Variants in AP2B1 observed in about 807,000 individuals in gnomAD.
The protein encoded by AP2B1 is adaptor related protein complex 2 subunit beta 1.
A neutral mutation model predicts 102.0 loss-of-function variants in AP2B1; 23 were observed. The observed-to-expected ratio is 0.23, with a 90% CI of 0.16 to 0.32. The LOEUF (loss-of-function observed/expected upper bound fraction) is 0.32. Among genes scored for constraint, AP2B1 ranks in the 10% least tolerant of loss-of-function variants. The pLI is 1.00. For missense variants in AP2B1, 541 were observed against 1,157.4 expected (o/e 0.47, Z 7.73); for synonymous variants, 381 against 421.2 (o/e 0.90, Z 1.17).
At chr17:35,697,522 A>G (rs16971435) in intron 18 of AP2B1, among the ~76,000 whole-genome samples, 1 of 152,206 alleles carries the variant, frequency 6.6e-6, no homozygotes, top group Admixed American at 6.5e-5. Flanking sequence ...TGCTCTTACA[A>G]GTGTTTTGGA....
chr17:35,605,109 G>A (rs1273696112), intron 3 of AP2B1, among the ~76,000 whole-genome samples: 1 of 152,046 alleles, frequency 6.6e-6, no homozygotes, highest in Non-Finnish European at 1.5e-5. Context: ...TCGCCATGTT[G>A]TCCAGGCTGG....
chr17:35,676,223 C>T (rs1271970667), intron 17 of AP2B1, among the ~76,000 whole-genome samples: 1 of 152,128 alleles, frequency 6.6e-6, no homozygotes, highest in Non-Finnish European at 1.5e-5. Context: ...GATTGCAAAT[C>T]CTGTTTCTCT....
chr17:35,613,549 TA>T (rs1470961027), intron 5 of AP2B1, among the ~76,000 whole-genome samples: 1 of 152,228 alleles, frequency 6.6e-6, no homozygotes, highest in Non-Finnish European at 1.5e-5. Context: ...CTCACTCTAT[TA>T]AGTCCTAGCT....
At chr17:35,698,715 T>C (rs2076186273) in intron 18 of AP2B1, among the ~76,000 whole-genome samples, 2 of 152,176 alleles carry the variant, frequency 1.3e-5, no homozygotes, top group East Asian at 1.9e-4. Flanking sequence ...TCACCCTTTT[T>C]CCAAATGGCT....
rs587709954 is a variant in AP2B1, at chr17:35,719,738, G to A, written c.2781+2389G>A. Among the ~76,000 whole-genome samples, 8 of 152,354 alleles carry A rather than the reference G, an allele frequency of 5.3e-5. No individual in the cohort carries two copies. In the East Asian group the frequency reaches 1.5e-3, roughly 29 times the overall value. On this transcript the variant is annotated intron_variant, in intron 21 of 21. Coordinates refer to ENST00000610402, the MANE Select transcript of AP2B1 (RefSeq NM_001030006.2). ...TGACCTGGTGTGGTGGCTCATGCCT[G>A]TAATGCCAACACTTTGGAAGGCTGT... is the stretch of plus-strand genomic sequence containing the variant.
chr17:35,643,265 C>G (rs2074835479), intron 12 of AP2B1, among the ~76,000 whole-genome samples: 1 of 151,948 alleles, frequency 6.6e-6, no homozygotes, highest in African/African-American at 2.4e-5. Context: ...TCAGGTTGGA[C>G]AAGCTTGCTG....
intron 21 of AP2B1, among the ~76,000 whole-genome samples, chr17:35,722,043 C>G (rs1555593320): frequency 6.6e-6 from 1 of 152,052 alleles, no homozygotes; most frequent in East Asian, 1.9e-4. Flanking sequence ...GAGTTCGAGA[C>G]CAGCCTGGCC....
intron 1 of AP2B1, among the ~76,000 whole-genome samples, chr17:35,589,008 T>C (rs940489651): frequency 2.0e-4 from 31 of 152,240 alleles, no homozygotes; most frequent in African/African-American, 5.8e-4. Flanking sequence ...TCTCTTGTCC[T>C]TTCTTTCCTT....
At chr17:35,632,592 C>T (rs1157567312) in intron 9 of AP2B1, among the ~76,000 whole-genome samples, 1 of 150,306 alleles carries the variant, frequency 6.7e-6, no homozygotes, top group African/African-American at 2.4e-5. Context: ...ATTTCTGTTT[C>T]TGGACTTTTT....
In AP2B1 at chr17:35,605,616, A is replaced by G. The variant is rs142895350; in HGVS notation, c.144-89A>G. On this transcript the variant is annotated intron_variant, in intron 3 of 21. Transcript: ENST00000610402. Reference sequence around the variant, plus strand: ...GGGACATTTGTTCTTGCATCAAATCACTGTTAGTTAAGGCTATTCATGTTC... The same window carrying G: ...GGGACATTTGTTCTTGCATCAAATCGCTGTTAGTTAAGGCTATTCATGTTC... The G allele has an allele frequency of 4.4e-3, 3,820 of 866,342 alleles. 41 individuals carry two copies. Among genetic ancestry groups the G allele is most frequent in the African/African-American group, 0.03 (1,742 of 59,044 alleles). The allele number at this position is 866,342 out of a possible 1,614,324, so 53.7% of individuals were successfully genotyped here.
At chr17:35,608,102 A>T (rs1418770615) in intron 4 of AP2B1, 40 bp from the exon 5 acceptor site, 1 of 1,606,556 alleles carries the variant, frequency 6.2e-7, no homozygotes, top group Non-Finnish European at 8.5e-7. Flanking sequence ...ACTTTTAGCC[A>T]CCATGTATAC....
rs552518670 is a variant in AP2B1, at chr17:35,601,051, G to A, written c.143+2716G>A. 37 of 976,336 alleles carry A rather than the reference G, an allele frequency of 3.8e-5. No homozygotes were observed. The African/African-American group carries it at 4.6e-4, about 12-fold the overall frequency. 60.5% of individuals were successfully genotyped at this position (976,336 alleles called of 1,614,324 possible). A position where few individuals can be genotyped will look rare whatever the true frequency, so the allele number is the denominator to read the frequency against. On this transcript the variant is annotated intron_variant, in intron 3 of 21. Transcript: ENST00000610402. ...CCATCTATCTAAGGAGTTGGCAAAC[G>A]TTTTTGTAAAGGACAAAATAGTAAG...
chr17:35,661,649 T>C (rs2075361037), intron 14 of AP2B1, among the ~76,000 whole-genome samples: 1 of 152,236 alleles, frequency 6.6e-6, no homozygotes, highest in African/African-American at 2.4e-5. Flanking sequence ...TATCCTTGCT[T>C]ACTTGCCATA....
At chr17:35,707,457 CT>C (rs35397924) in intron 18 of AP2B1, among the ~76,000 whole-genome samples, 25,785 of 132,188 alleles carry the variant, frequency 0.2, 2,543 homozygotes, top group Middle Eastern at 0.31. Flanking sequence ...GGCTTCCCCC[CT>C]TTTTTTTTTT....
At chr17:35,638,852 C>T (rs2074687626) in intron 10 of AP2B1, among the ~76,000 whole-genome samples, 1 of 150,636 alleles carries the variant, frequency 6.6e-6, no homozygotes, top group South Asian at 2.1e-4. Flanking sequence ...GATTAAGGGA[C>T]AGATTTACCA....
chr17:35,639,528 T>C, intron 10 of AP2B1, 67 bp from the exon 11 acceptor site: 1 of 1,469,584 alleles, frequency 6.8e-7, no homozygotes, highest in South Asian at 1.4e-5. Flanking sequence ...GTTTTGCCTT[T>C]AGCCTTCACT....
At chr17:35,666,829 A>G (rs747040839) in intron 14 of AP2B1, among the ~76,000 whole-genome samples, 28 of 152,336 alleles carry the variant, frequency 1.8e-4, no homozygotes, top group Non-Finnish European at 3.1e-4. Context: ...GTCCAGACAG[A>G]TGAACCTGAA....
At chr17:35,676,250 T>C (rs558608487) in intron 17 of AP2B1, among the ~76,000 whole-genome samples, 86 of 152,300 alleles carry the variant, frequency 5.6e-4, no homozygotes, top group African/African-American at 2.0e-3. Context: ...TATTTATTTT[T>C]CTTTTTCTCA....
rs768667063 is a variant in AP2B1, at chr17:35,627,402, A to G, written c.956A>G (p.Gln319Arg). 1 of 1,613,834 alleles carries G rather than the reference A, an allele frequency of 6.2e-7. No individual in the cohort carries two copies. Among genetic ancestry groups the G allele is most frequent in the East Asian group, 2.2e-5 (1 of 44,870 alleles). ...TACCCTAGGCCTGAAATCTTGAAGCAGGAAATCAAAGTCTTCTTTGTGAAG... is the reference window on the plus strand; with the variant it reads ...TACCCTAGGCCTGAAATCTTGAAGCGGGAAATCAAAGTCTTCTTTGTGAAG... ...IVQKRPEILK[Q>R]EIKVFFVKYN... The change falls in exon 8 of 22, where the codon CAG (glutamine) becomes CGG (arginine). Residue 319 changes from glutamine (Q) to arginine (R), a missense_variant. Gln to Arg is a conservative substitution (Grantham distance 43, BLOSUM62 1). Around this residue, in one of 10 missense-constraint regions of AP2B1, gnomAD observed 134 missense variants for 250.2 expected, o/e 0.54. Transcript: ENST00000610402.
Sources: allele counts gnomAD v4.1 joint callset (sites outside exome capture counted in the v4.1 genomes callset), GRCh38; gene constraint gnomAD v4.1.1; regional missense constraint gnomAD v4.1.1; transcripts MANE v1.5; gene names NCBI Gene and HGNC (gene_info 2026-07-23, HGNC 2026-07-21).